Variants in ACSF3 observed in about 807,000 individuals in gnomAD.
ACSF3 encodes acyl-CoA synthetase family member 3.
ACSF3 carries 78 observed loss-of-function variants against 53.2 expected under a neutral mutation model. That is an observed-to-expected ratio of 1.47 (90% confidence interval 1.22 to 1.77). The LOEUF is 1.77. Among genes scored for constraint, ACSF3 ranks in the 40% most tolerant of loss-of-function variants. The pLI is 0.00. For missense variants in ACSF3, 937 were observed against 771.1 expected (o/e 1.22, Z -2.55); for synonymous variants, 414 against 333.1 (o/e 1.24, Z -2.65).
chr16:89,118,847 G>A (rs971221029), intron 6 of ACSF3, among the ~76,000 whole-genome samples: 1 of 152,226 alleles, frequency 6.6e-6, no homozygotes, highest in African/African-American at 2.4e-5. Flanking sequence ...GAGGTGGGCT[G>A]TGGCAGGAAG....
intron 7 of ACSF3, among the ~76,000 whole-genome samples, chr16:89,132,167 T>A (rs186564511): frequency 3.2e-4 from 49 of 152,366 alleles, no homozygotes; most frequent in African/African-American, 1.1e-3. Context: ...TCGCAGCTAC[T>A]TCCCTGGCCC....
At chr16:89,116,327 G>A (rs985687507) in intron 6 of ACSF3, among the ~76,000 whole-genome samples, 1 of 152,120 alleles carries the variant, frequency 6.6e-6, no homozygotes, top group Non-Finnish European at 1.5e-5. Context: ...TGCCTGCTTG[G>A]TTCCTGGGAC....
At chr16:89,142,085 G>T (rs1911873695) in intron 8 of ACSF3, among the ~76,000 whole-genome samples, 1 of 152,190 alleles carries the variant, frequency 6.6e-6, no homozygotes, top group Non-Finnish European at 1.5e-5. Context: ...CGACCCCTAC[G>T]GTTCTTCCCT....
chr16:89,147,984 T>C (rs1004486371), intron 10 of ACSF3: 3 of 151,600 alleles, frequency 2.0e-5, no homozygotes, highest in Admixed American at 6.6e-5. Flanking sequence ...AGGCATTGGG[T>C]AAATACACCA....
intron 8 of ACSF3, among the ~76,000 whole-genome samples, chr16:89,135,973 C>A (rs1054643123): frequency 6.6e-6 from 1 of 152,230 alleles, no homozygotes; most frequent in Non-Finnish European, 1.5e-5. Context: ...CAGGGTTTTG[C>A]CATGTTGGCC....
chr16:89,120,741 TTC>T (rs934208343), intron 6 of ACSF3, 58 bp from the exon 7 acceptor site: 3 of 1,521,704 alleles, frequency 2.0e-6, no homozygotes, highest in Non-Finnish European at 2.7e-6. Context: ...CAGTGTGTGC[TTC>T]TCTCCTCCAG....
chr16:89,097,712 A>G (rs1396455300), intron 1 of ACSF3, among the ~76,000 whole-genome samples: 2 of 152,110 alleles, frequency 1.3e-5, no homozygotes, highest in Non-Finnish European at 2.9e-5. Flanking sequence ...GGGTTTCTCT[A>G]TGGTAGCAGA....
At chr16:89,113,847 T>C (rs1018177070) in intron 5 of ACSF3, 3 of 275,288 alleles carry the variant, frequency 1.1e-5, no homozygotes, top group African/African-American at 6.7e-5. Flanking sequence ...GCCCCACCCC[T>C]TGGGTGCCGC....
intron 1 of ACSF3, among the ~76,000 whole-genome samples, chr16:89,097,985 G>T (rs1051703064): frequency 6.6e-6 from 1 of 152,054 alleles, no homozygotes; most frequent in African/African-American, 2.4e-5. Flanking sequence ...TTCATTAAGA[G>T]CCCCAGGCTA....
intron 4 of ACSF3, among the ~76,000 whole-genome samples, chr16:89,108,015 C>A (rs1205731525): frequency 6.6e-6 from 1 of 152,208 alleles, no homozygotes; most frequent in Non-Finnish European, 1.5e-5. Flanking sequence ...GCACTTCTTA[C>A]ATGGCGGTGG....
intron 7 of ACSF3, among the ~76,000 whole-genome samples, chr16:89,131,121 CTTTTTCTTTTTTTTTTT>C (rs1909204491): frequency 8.7e-6 from 1 of 114,944 alleles, no homozygotes; most frequent in East Asian, 3.3e-4. Context: ...TTTTCTTTTT[CTTTTTCTTTTTTTTTTT>C]TTTTTTTTTT....
At chr16:89,133,098 T>A (rs1384074083) in intron 7 of ACSF3, 38 bp from the exon 8 acceptor site, 1 of 1,612,364 alleles carries the variant, frequency 6.2e-7, no homozygotes, top group Middle Eastern at 2.0e-4. Context: ...CAAGAGGGTG[T>A]GCCCAGCTCT....
At chr16:89,111,348 G>T (rs957793946) in intron 4 of ACSF3, among the ~76,000 whole-genome samples, 1 of 152,272 alleles carries the variant, frequency 6.6e-6, no homozygotes, top group African/African-American at 2.4e-5. Flanking sequence ...GAGGAGATGA[G>T]ATGGGCTGGG....
intron 8 of ACSF3, among the ~76,000 whole-genome samples, chr16:89,133,960 C>T (rs575881873): frequency 6.6e-6 from 1 of 152,200 alleles, no homozygotes; most frequent in Non-Finnish European, 1.5e-5. Flanking sequence ...CTGCCCTGAG[C>T]TGCTGCTGCC....
chr16:89,096,539 T>C (rs1156498875), intron 1 of ACSF3, among the ~76,000 whole-genome samples: 2 of 152,210 alleles, frequency 1.3e-5, no homozygotes, highest in Non-Finnish European at 2.9e-5. Flanking sequence ...GTCCCAAGCC[T>C]GAGGGACTGA....
chr16:89,099,808 G>T (rs1380210091), intron 2 of ACSF3, among the ~76,000 whole-genome samples: 1 of 151,014 alleles, frequency 6.6e-6, no homozygotes, highest in Non-Finnish European at 1.5e-5. Context: ...AGACAGAGCG[G>T]GTGAGACTCC....
intron 7 of ACSF3, among the ~76,000 whole-genome samples, chr16:89,130,255 C>G (rs1004368587): frequency 3.3e-5 from 5 of 152,180 alleles, no homozygotes; most frequent in African/African-American, 7.2e-5. Flanking sequence ...GGGTTGACAA[C>G]TATTTTCTTT....
intron 8 of ACSF3, among the ~76,000 whole-genome samples, chr16:89,143,899 C>T (rs1007640697): frequency 1.3e-5 from 2 of 152,182 alleles, no homozygotes; most frequent in Admixed American, 1.3e-4. Flanking sequence ...TGGGGCCTTT[C>T]TGCGTCCAAC....
At chr16:89,141,387 A>G in intron 8 of ACSF3, 1 of 1,151,514 alleles carries the variant, frequency 8.7e-7, no homozygotes, top group South Asian at 1.3e-5. Flanking sequence ...TCCAAGGGGC[A>G]AGCTCAGGGC....
Sources: allele counts gnomAD v4.1 joint callset (sites outside exome capture counted in the v4.1 genomes callset), GRCh38; gene constraint gnomAD v4.1.1; transcripts MANE v1.5; gene names NCBI Gene and HGNC (gene_info 2026-07-23, HGNC 2026-07-21).